The following MAPK11 variants were observed in gnomAD, a reference collection of about 807,000 sequenced individuals.
MAPK11 encodes the protein mitogen-activated protein kinase 11.
In MAPK11, 44 loss-of-function variants were observed where a neutral mutation model predicts 52.2. That is an observed-to-expected ratio of 0.84 (90% confidence interval 0.66 to 1.08). MAPK11 has a LOEUF of 1.08. Ranked by LOEUF, MAPK11 falls within the 50% of genes least tolerant of loss-of-function variation. The pLI, the probability that MAPK11 is intolerant of heterozygous loss-of-function variation, is 0.00. For missense variants in MAPK11, 436 were observed against 494.7 expected (o/e 0.88, Z 1.13); for synonymous variants, 233 against 206.3 (o/e 1.13, Z -1.11).
At position 50,270,207 on chromosome 22, in the gene MAPK11, G is replaced by C. The variant is rs778413667; in HGVS notation, c.86C>G (p.Pro29Arg). The part of the protein sequence containing the change: ...EVPQRLQGLR[P>R]VGSGAYGSVC... ...GGAGCCGTAGGCGCCGGAGCCCACC[G>C]GGCGCAGCCCCTGCAGCCGCTGCGG... is the stretch of plus-strand genomic sequence containing the variant. The change falls in exon 1 of 12, where the codon CCG becomes CGG. Residue 29 changes from proline to arginine, a missense_variant. Pro to Arg is a moderately radical substitution (Grantham distance 103). Coordinates refer to ENST00000330651, the MANE Select transcript of MAPK11 (RefSeq NM_002751.7). This position sits in a 1 kb window ranked among gnomAD's most constrained non-coding sequence, Gnocchi z 6.3. 6.7e-7 allele frequency: 1 copy of C among 1,494,362 alleles called. No homozygotes were observed. The allele number at this position is 1,494,362 out of a possible 1,614,324, so 92.6% of individuals were successfully genotyped here. A position where few individuals can be genotyped will look rare whatever the true frequency, so the allele number is the denominator to read the frequency against.
At chr22:50,266,718 C>T in intron 7 of MAPK11, 107 bp from the exon 8 acceptor site, 1 of 1,131,438 alleles carries the variant, frequency 8.8e-7, no homozygotes, top group Non-Finnish European at 1.3e-6. Context: ...CCCTCCTCTG[C>T]CATACCCAAC....
Position 50,266,923 on chromosome 22 carries a change from T to A in MAPK11, c.610+11A>T. 1 of 1,603,378 alleles carries A rather than the reference T, an allele frequency of 6.2e-7. No homozygotes were observed. The highest frequency in any genetic ancestry group is 1.3e-5 in the African/African-American group (1 of 74,938). ...CTTGGCCTTCGTCCCCCCAAGGCCT[T>A]CCCCCTGCACCTGTTTGGTTGTAAT... On this transcript the variant is annotated intron_variant, in intron 7 of 11. Transcript: ENST00000330651.
At chr22:50,266,745 A>C in intron 7 of MAPK11, 134 bp from the exon 8 acceptor site, 1 of 988,972 alleles carries the variant, frequency 1.0e-6, no homozygotes, top group Non-Finnish European at 1.6e-6. Flanking sequence ...AGGCAGGGGG[A>C]GGTCCATAGC....
At position 50,267,871 on chromosome 22, in the gene MAPK11, C is replaced by A. The variant is rs1174582900; in HGVS notation, c.195G>T (p.Ala65=). Residue 65 remains alanine, a synonymous_variant, in exon 2 of 12, where the codon GCG becomes GCT. Transcript: ENST00000330651. ...GCCGCAGCTCCCGGTACGTTCTGCG[C>A]GCGTGGATCAGCGACTGGAAGGGGC... The part of the protein sequence containing the change: ...LSRPFQSLIH[A]RRTYRELRLL... 1.9e-6 allele frequency: 3 copies of A among 1,589,732 alleles called. No individual in the cohort carries two copies. The highest frequency in any genetic ancestry group is 1.4e-5 in the African/African-American group (1 of 71,912).
In MAPK11 at chr22:50,267,576, T is replaced by C; in HGVS notation, c.298A>G (p.Ser100Gly). The C allele has an allele frequency of 6.5e-7, 1 of 1,547,720 alleles. No homozygotes were observed. The highest frequency in any genetic ancestry group is 2.4e-5 in the East Asian group (1 of 41,338). ...GCCCGCCCCGCCGCTCACACTTCGC[T>C]GAAGTCCTCGATGGACGTGGCCGGC... ...FTPATSIEDF[S>G]EVYLVTTLMG... The change falls in exon 3 of 12, where the codon AGC becomes GGC. Residue 100 changes from serine to glycine, a missense_variant. Transcript: ENST00000330651.
rs1046182903 is a variant in MAPK11, at chr22:50,264,207, G to GCA, written c.*739_*740dup. On this transcript the variant is annotated 3_prime_UTR_variant, in exon 12 of 12. Transcript: ENST00000330651. ...GGAACCGAGGAGAGGGAAGGCAACAGCACACCCACCCCGGCTCCAGCTTCT... is the reference window on the plus strand; with the variant it reads ...GGAACCGAGGAGAGGGAAGGCAACAGCACACACCCACCCCGGCTCCAGCTTCT... The GCA allele has an allele frequency of 2.0e-5, 3 of 152,320 alleles. No homozygotes were observed. The highest frequency in any genetic ancestry group is 4.4e-5 in the Non-Finnish European group (3 of 68,114). 9.4% of individuals were successfully genotyped at this position (152,320 alleles called of 1,614,324 possible).
Position 50,267,616 on chromosome 22 carries a change from A to G in MAPK11, c.258T>C (p.Leu86=), listed in dbSNP as rs1398701515. The change falls in exon 3 of 12, where the codon CTT becomes CTC. Residue 86 remains leucine, a synonymous_variant. Transcript: ENST00000330651. ...ACGTGGCCGGCGTGAAGACGTCCAG[A>G]AGCCCGATGACCTAGGTGGCGGGGG... ...KHLKHENVIG[L]LDVFTPATSI... 6.5e-7 allele frequency: 1 copy of G among 1,541,574 alleles called. No individual in the cohort carries two copies. Among genetic ancestry groups the G allele is most frequent in the East Asian group, 2.4e-5 (1 of 40,862 alleles).
At chr22:50,268,016 G>C (rs1452084657) in intron 1 of MAPK11, 67 bp from the exon 2 acceptor site, 2 of 1,433,082 alleles carry the variant, frequency 1.4e-6, no homozygotes, top group African/African-American at 1.5e-5. Flanking sequence ...CGTGGACCCG[G>C]GCGGCGTCCC....
intron 8 of MAPK11, 99 bp from the exon 9 acceptor site, chr22:50,266,404 G>A: frequency 7.1e-7 from 1 of 1,410,668 alleles, no homozygotes. Flanking sequence ...CTCTCCTATA[G>A]GTGAGGATGG....
rs1238570858 is a variant in MAPK11, at chr22:50,263,830, C to T, written c.*1118G>A. 6.6e-6 allele frequency: 1 copy of T among 152,434 alleles called. No individual in the cohort carries two copies. Among genetic ancestry groups the T allele is most frequent in the Non-Finnish European group, 1.5e-5 (1 of 68,200 alleles). 9.4% of individuals were successfully genotyped at this position (152,434 alleles called of 1,614,324 possible). A position where few individuals can be genotyped will look rare whatever the true frequency, so the allele number is the denominator to read the frequency against. On this transcript the variant is annotated 3_prime_UTR_variant, in exon 12 of 12. Transcript: ENST00000330651. Reference sequence around the variant, plus strand: ...CCAGGGCAGAGCCACACCCCCAACTCAGCTCTGGGCAGGGTCCCGTCTCCG... The same window carrying T: ...CCAGGGCAGAGCCACACCCCCAACTTAGCTCTGGGCAGGGTCCCGTCTCCG...
intron 4 of MAPK11, 33 bp downstream of exon 4, chr22:50,267,338 G>T: frequency 4.7e-6 from 6 of 1,271,932 alleles, no homozygotes; most frequent in Admixed American, 1.9e-5. Flanking sequence ...CCGCCCCCCT[G>T]CGAGAGGACC....
intron 1 of MAPK11, among the ~76,000 whole-genome samples, chr22:50,268,499 G>A (rs1421547151): frequency 6.6e-6 from 1 of 152,224 alleles, no homozygotes; most frequent in East Asian, 1.9e-4. Context: ...CGGGACAGAA[G>A]GTGATGTACA....
Position 50,265,018 on chromosome 22 carries a change from T to C in MAPK11, c.1025A>G (p.Tyr342Cys). The C allele has an allele frequency of 6.2e-7, 1 of 1,613,024 alleles. No individual in the cohort carries two copies. Among genetic ancestry groups the C allele is most frequent in the African/African-American group, 1.3e-5 (1 of 74,992 alleles). ...GGGCTTGAAGCTGAGGACTTCCTGG[T>C]AAGTGAGCTCTAGGAGGTGAAGGGA... ...RTLEEWKELT[Y>C]QEVLSFKPPE... Residue 342 changes from tyrosine (Y) to cysteine (C), a missense_variant, in exon 12 of 12, where the codon TAC becomes TGC. Tyr to Cys is a radical substitution (Grantham distance 194). Transcript: ENST00000330651.
Position 50,267,133 on chromosome 22 carries a change from C to T in MAPK11, c.489G>A (p.Glu163=). Residue 163 remains glutamate, a synonymous_variant, in exon 6 of 12, where the codon GAG becomes GAA. Transcript: ENST00000330651. ...PSNVAVNEDC[E]LRILDFGLAR... ...CCCTGCCCACGGGCCTCACCCTGAG[C>T]TCACAGTCCTCGTTCACAGCCACGT... is the stretch of plus-strand genomic sequence containing the variant. The T allele has an allele frequency of 6.2e-7, 1 of 1,611,988 alleles. No individual in the cohort carries two copies. The highest frequency in any genetic ancestry group is 2.2e-5 in the East Asian group (1 of 44,862).
intron 4 of MAPK11, 27 bp downstream of exon 4, chr22:50,267,344 G>C: frequency 6.3e-7 from 1 of 1,588,642 alleles, no homozygotes; most frequent in African/African-American, 1.3e-5. Flanking sequence ...CCCTGCGAGA[G>C]GACCCGCGAA....
chr22:50,266,361 G>A, intron 8 of MAPK11, 56 bp from the exon 9 acceptor site: 3 of 1,537,618 alleles, frequency 2.0e-6, no homozygotes, highest in Non-Finnish European at 2.7e-6. Context: ...TGGGCCCCCA[G>A]ACCCAAAACT....
At position 50,264,970 on chromosome 22, in the gene MAPK11, C is replaced by T. The variant is rs1301695781; in HGVS notation, c.1073G>A (p.Gly358Asp). The T allele has an allele frequency of 1.9e-6, 3 of 1,612,666 alleles. No individual in the cohort carries two copies. The highest frequency in any genetic ancestry group is 8.5e-7 in the Non-Finnish European group (1 of 1,179,618). The change falls in exon 12 of 12, where the codon GGC (glycine) becomes GAC (aspartate). Residue 358 changes from glycine to aspartate, a missense_variant. By Grantham distance (94) the Gly-to-Asp change is moderately conservative (BLOSUM62 -1). Transcript: ENST00000330651. ...FKPPEPPKPP[G>D]SLEIEQ ...ACCTCACTGCTCAATCTCCAGGCTG[C>T]CAGGTGGCTTCGGTGGCTCTGGGGG... is the stretch of plus-strand genomic sequence containing the variant.
Position 50,264,982 on chromosome 22 carries a change from G to A in MAPK11, c.1061C>T (p.Pro354Leu), listed in dbSNP as rs201607135. Residue 354 changes from proline (P) to leucine (L), a missense_variant, in exon 12 of 12, where the codon CCG (proline) becomes CTG (leucine). Transcript: ENST00000330651. ...AATCTCCAGGCTGCCAGGTGGCTTC[G>A]GTGGCTCTGGGGGCTTGAAGCTGAG... is the stretch of plus-strand genomic sequence containing the variant. ...EVLSFKPPEP[P>L]KPPGSLEIEQ The A allele has an allele frequency of 1.1e-5, 17 of 1,613,028 alleles. No individual in the cohort carries two copies. The highest frequency in any genetic ancestry group is 3.3e-5 in the South Asian group (3 of 90,904).
intron 9 of MAPK11, 105 bp from the exon 10 acceptor site, chr22:50,265,765 G>A: frequency 1.4e-6 from 1 of 703,908 alleles, no homozygotes; most frequent in Non-Finnish European, 2.4e-6. Flanking sequence ...ACTCCAACAG[G>A]CCAGGACAAG....
Sources: allele counts gnomAD v4.1 joint callset (sites outside exome capture counted in the v4.1 genomes callset), GRCh38; gene constraint gnomAD v4.1.1; non-coding constraint Gnocchi (gnomAD v3.1); transcripts MANE v1.5; gene names NCBI Gene and HGNC (gene_info 2026-07-23, HGNC 2026-07-21).